Variants in UNC13C observed in about 807,000 individuals in gnomAD.
The protein encoded by UNC13C is protein unc-13 homolog C.
Under a neutral mutation model 245.4 loss-of-function variants are expected in UNC13C, and 174 were observed. The ratio of observed to expected loss-of-function variants is 0.71; its 90% CI spans 0.63 to 0.80. UNC13C has a LOEUF of 0.80. Ranked by LOEUF, UNC13C falls within the 30% of genes least tolerant of loss-of-function variation. The pLI is 0.00. For synonymous variants in UNC13C, 992 were observed against 895.1 expected (o/e 1.11, Z -1.93); for missense variants, 2,829 against 2,602.9 (o/e 1.09, Z -1.89).
At chr15:54,513,503 T>G (rs772771873) in intron 24 of UNC13C, among the ~76,000 whole-genome samples, 39 of 152,202 alleles carry the variant, frequency 2.6e-4, no homozygotes, top group Non-Finnish European at 2.8e-4. Flanking sequence ...ATAAAGTGGC[T>G]TGTTCACCAA....
chr15:54,293,446 C>A (rs995625575), intron 10 of UNC13C, among the ~76,000 whole-genome samples: 3 of 151,954 alleles, frequency 2.0e-5, no homozygotes, highest in African/African-American at 7.2e-5. Context: ...TTTAGTTTTT[C>A]AAGTCCTTCA....
intron 30 of UNC13C, among the ~76,000 whole-genome samples, chr15:54,619,008 G>A (rs1460305182): frequency 6.6e-6 from 1 of 152,100 alleles, no homozygotes; most frequent in African/African-American, 2.4e-5. Context: ...TAATGTAAAA[G>A]TCTTTTTAAG....
chr15:54,343,586 A>G (rs2038789371), intron 17 of UNC13C, among the ~76,000 whole-genome samples: 2 of 152,168 alleles, frequency 1.3e-5, no homozygotes, highest in Admixed American at 1.3e-4. Flanking sequence ...GCATTTATGC[A>G]TCCTGTTCTA....
chr15:53,982,016 T>C (rs2140947236), intron 1 of UNC13C, among the ~76,000 whole-genome samples: 1 of 152,260 alleles, frequency 6.6e-6, no homozygotes, highest in East Asian at 1.9e-4. Context: ...TAAGAAAATA[T>C]TTTGTAGAAA....
At chr15:54,277,238 C>A (rs1262435078) in intron 10 of UNC13C, among the ~76,000 whole-genome samples, 1 of 152,066 alleles carries the variant, frequency 6.6e-6, no homozygotes, top group Admixed American at 6.6e-5. Context: ...TTGTTATTTT[C>A]TTTCAGTTAT....
chr15:53,969,240 A>AG, the UNC13C span, among the ~76,000 whole-genome samples: 1 of 152,228 alleles, frequency 6.6e-6, no homozygotes, highest in Non-Finnish European at 1.5e-5. Context: ...AAGAGTAGGG[A>AG]GGGAGAGTAT....
intron 14 of UNC13C, among the ~76,000 whole-genome samples, chr15:54,329,334 G>A (rs1306151610): frequency 1.3e-5 from 2 of 151,644 alleles, no homozygotes; most frequent in African/African-American, 2.4e-5. Context: ...ACCAATTATT[G>A]TTAACTATAG....
intron 17 of UNC13C, among the ~76,000 whole-genome samples, chr15:54,355,520 C>T (rs1019733413): frequency 6.6e-6 from 1 of 151,916 alleles, no homozygotes; most frequent in Non-Finnish European, 1.5e-5. Context: ...CCAAACCTGG[C>T]TAATTTTTTG....
rs77045201 is a variant in UNC13C, at chr15:54,562,492, C to T, written c.5959-5308C>T. Among the ~76,000 whole-genome samples the T allele has an allele frequency of 7.9e-3, 1,201 of 152,040 alleles. 17 individuals are homozygous for T. The highest frequency in any genetic ancestry group is 0.028 in the African/African-American group (1,143 of 41,492). On this transcript the variant is annotated intron_variant, in intron 29 of 32. Transcript: ENST00000260323. ...TTGCCACGTCATCTACAATGTTGTC[C>T]GCACATGGTCTTCCGGCCACCACTT...
chr15:53,906,321 AAAAG>A, the UNC13C span, among the ~76,000 whole-genome samples: 1 of 152,152 alleles, frequency 6.6e-6, no homozygotes, highest in African/African-American at 2.4e-5. Flanking sequence ...CTGTCTCAAA[AAAAG>A]AAGTCTCTGT....
chr15:53,956,413 G>A, the UNC13C span, among the ~76,000 whole-genome samples: 4 of 151,646 alleles, frequency 2.6e-5, no homozygotes, highest in East Asian at 1.9e-4. Flanking sequence ...TGCCTCCACC[G>A]GTGCCAGCTG....
At chr15:54,447,063 C>G (rs955685507) in intron 19 of UNC13C, among the ~76,000 whole-genome samples, 18 of 152,044 alleles carry the variant, frequency 1.2e-4, no homozygotes, top group Non-Finnish European at 2.5e-4. Context: ...TGGTTTTTGT[C>G]TTTTGTTCTG....
intron 19 of UNC13C, among the ~76,000 whole-genome samples, chr15:54,437,364 G>A (rs1890276144): frequency 6.6e-6 from 1 of 151,972 alleles, no homozygotes; most frequent in Non-Finnish European, 1.5e-5. Flanking sequence ...AAGCTTCAAA[G>A]GAACTCACTC....
intron 7 of UNC13C, among the ~76,000 whole-genome samples, chr15:54,247,902 G>C (rs74013544): frequency 0.025 from 3,852 of 151,932 alleles, 161 homozygotes; most frequent in African/African-American, 0.089. Context: ...TTGTTTTCCT[G>C]CAGTATGCTT....
chr15:53,952,686 A>G, the UNC13C span, among the ~76,000 whole-genome samples: 2 of 152,206 alleles, frequency 1.3e-5, no homozygotes, highest in African/African-American at 4.8e-5. Flanking sequence ...TGTATAACCA[A>G]ATTAGGAATC....
intron 2 of UNC13C, among the ~76,000 whole-genome samples, chr15:54,042,852 C>CAAAAA (rs1466719723): frequency 4.8e-4 from 73 of 150,580 alleles, no homozygotes; most frequent in African/African-American, 1.4e-3. Context: ...GACTCTGTCT[C>CAAAAA]AGAAAAGAAA....
chr15:54,289,624 A>T (rs2037240187), intron 10 of UNC13C, among the ~76,000 whole-genome samples: 1 of 152,086 alleles, frequency 6.6e-6, no homozygotes, highest in Non-Finnish European at 1.5e-5. Context: ...GTAGACTACT[A>T]GGTCACTCAA....
intron 19 of UNC13C, among the ~76,000 whole-genome samples, chr15:54,466,818 A>G (rs1183652474): frequency 1.3e-5 from 2 of 151,930 alleles, no homozygotes; most frequent in African/African-American, 4.8e-5. Flanking sequence ...ATAAAATTCA[A>G]AAAGAGAAAA....
chr15:54,104,950 A>G (rs1897006), intron 2 of UNC13C, among the ~76,000 whole-genome samples: 139,215 of 152,114 alleles, frequency 0.92, 64,118 homozygotes, highest in Non-Finnish European at 0.96. Context: ...GCATTGGTGT[A>G]TATGTGTTTG....
Sources: gnomAD v4.1 joint callset for allele counts (sites outside exome capture counted in the v4.1 genomes callset) on GRCh38, gnomAD v4.1.1 for gene constraint, MANE v1.5 for transcripts, NCBI Gene and HGNC (gene_info 2026-07-23, HGNC 2026-07-21) for gene names.